Variants in DSTYK observed in about 807,000 individuals in gnomAD.
DSTYK encodes the protein dual serine/threonine and tyrosine protein kinase.
Under a neutral mutation model 98.7 loss-of-function variants are expected in DSTYK, and 34 were observed. The observed-to-expected ratio is 0.34, with a 90% CI of 0.26 to 0.46. The LOEUF (loss-of-function observed/expected upper bound fraction) is 0.46. Among genes scored for constraint, DSTYK ranks in the 20% least tolerant of loss-of-function variants. DSTYK has a pLI of 1.00. For synonymous variants in DSTYK, 462 were observed against 457.3 expected, an observed-to-expected ratio of 1.01 and a Z score of -0.13; for missense variants, 962 against 1,181.7, an observed-to-expected ratio of 0.81 and a Z score of 2.73.
Position 205,187,760 on chromosome 1 carries a change from G to C in DSTYK, c.312C>G (p.Leu104=). The C allele has an allele frequency of 6.2e-7, 1 of 1,614,110 alleles. No individual in the cohort carries two copies. Among genetic ancestry groups the C allele is most frequent in the East Asian group, 2.2e-5 (1 of 44,886 alleles). Residue 104 remains leucine (L), a synonymous_variant, in exon 2 of 13, where the codon CTC becomes CTG. Coordinates refer to ENST00000367162, the MANE Select transcript of DSTYK (RefSeq NM_015375.3). ...AAGGGAGGCAGTCCACAATCTGCTG[G>C]AGGTACTTCTCTTCCTTAGGTGGGA... is the stretch of plus-strand genomic sequence containing the variant. ...ISFPPKEEKY[L]QQIVDCLPCI... is the part of the protein sequence containing the mutation.
Position 205,163,945 on chromosome 1 carries a change from G to A in DSTYK, c.1335C>T (p.Val445=). 6.2e-7 allele frequency: 1 copy of A among 1,614,032 alleles called. No homozygotes were observed. Among genetic ancestry groups the A allele is most frequent in the Non-Finnish European group, 8.5e-7 (1 of 1,179,922 alleles). Residue 445 remains valine (V), a synonymous_variant, in exon 4 of 13, where the codon GTC becomes GTT. Transcript: ENST00000367162. ...TGCCTACTGGTTCTCCATTCTCAGG[G>A]ACAATGACGTCTATGGAGGCAGAGA... ...ATNMEFKDVI[V]PENGEPVGTR...
At chr1:205,197,311 GA>G (rs1658897390) in intron 1 of DSTYK, among the ~76,000 whole-genome samples, 1 of 152,030 alleles carries the variant, frequency 6.6e-6, no homozygotes, top group East Asian at 1.9e-4. Context: ...TAGAGGAGAT[GA>G]GAAAACCTAA....
chr1:205,200,901 ATAATT>A lies in DSTYK; in HGVS notation c.265+10365_265+10369del, dbSNP rs896489945. On this transcript the variant is annotated intron_variant, in intron 1 of 12. Transcript: ENST00000367162. The stretch of plus-strand genomic sequence containing the variant: ...CACAACAGGGTGACTATAGTCAATA[ATAATT>A]TAATTTTTTTTTTTTTGAGACAGAG... Among the ~76,000 whole-genome samples, 273 of 152,048 alleles carry A rather than the reference ATAATT, an allele frequency of 1.8e-3. 1 individual carries two copies. Among genetic ancestry groups the A allele is most frequent in the African/African-American group, 6.2e-3 (257 of 41,452 alleles).
intron 3 of DSTYK, among the ~76,000 whole-genome samples, chr1:205,167,610 G>A (rs926968534): frequency 1.3e-5 from 2 of 152,174 alleles, no homozygotes; most frequent in Non-Finnish European, 2.9e-5. Flanking sequence ...ATACAGGAAA[G>A]TGCATAGTGG....
intron 2 of DSTYK, among the ~76,000 whole-genome samples, chr1:205,176,873 A>G (rs775578144): frequency 6.6e-6 from 1 of 152,132 alleles, no homozygotes; most frequent in Non-Finnish European, 1.5e-5. Context: ...CTAAAACTCT[A>G]TTATAACAAA....
chr1:205,162,927 T>G lies in DSTYK; in HGVS notation c.1637A>C (p.Lys546Thr), dbSNP rs763475713. ...TCTCTAAGTAATAATCCCTACCTGT[T>G]TGATTTGCTCCCATAGCATCCTTGT... ...SVTRMLWEQIKQIIQRITWVS... is the reference protein window; with the variant it reads ...SVTRMLWEQITQIIQRITWVS... The change falls in exon 5 of 13, where the codon AAA (lysine) becomes ACA (threonine). Residue 546 changes from lysine to threonine, a missense_variant. This residue lies in a region of DSTYK where 660 missense variants were observed against 855.0 expected (regional missense o/e 0.77). Transcript: ENST00000367162. 1.9e-6 allele frequency: 3 copies of G among 1,612,278 alleles called. No individual in the cohort carries two copies. In the South Asian group the frequency reaches 3.3e-5, roughly 18 times the overall value.
intron 1 of DSTYK, among the ~76,000 whole-genome samples, chr1:205,198,871 C>G (rs184936343): frequency 6.8e-6 from 1 of 147,286 alleles, no homozygotes; most frequent in East Asian, 2.0e-4. Flanking sequence ...CTCGCTCTGT[C>G]GCCAGGCTGG....
intron 2 of DSTYK, among the ~76,000 whole-genome samples, chr1:205,173,641 G>A (rs1049077956): frequency 6.6e-6 from 1 of 151,104 alleles, no homozygotes; most frequent in Non-Finnish European, 1.5e-5. Flanking sequence ...AAATTTTCAG[G>A]TTTTCCTTAA....
intron 1 of DSTYK, among the ~76,000 whole-genome samples, chr1:205,203,566 G>GTACGGT (rs1383064687): frequency 7.7e-5 from 5 of 64,848 alleles, no homozygotes; most frequent in Non-Finnish European, 1.2e-4. Context: ...GAGGGGAGGG[G>GTACGGT]AGGGGAGGGG....
intron 2 of DSTYK, among the ~76,000 whole-genome samples, chr1:205,179,478 G>A (rs958412550): frequency 4.6e-5 from 7 of 151,850 alleles, no homozygotes; most frequent in East Asian, 1.9e-4. Flanking sequence ...AAAATTAGCC[G>A]GGCGTGGTGG....
intron 10 of DSTYK, among the ~76,000 whole-genome samples, chr1:205,155,580 C>G (rs1029583086): frequency 6.6e-6 from 1 of 151,574 alleles, no homozygotes; most frequent in African/African-American, 2.4e-5. Context: ...ATCGCTTGAA[C>G]CTGGGAGGTG....
intron 11 of DSTYK, 132 bp from the exon 12 acceptor site, chr1:205,148,471 G>T: frequency 9.1e-7 from 1 of 1,101,192 alleles, no homozygotes; most frequent in Non-Finnish European, 1.3e-6. Context: ...TAACAACCCT[G>T]CCAGGTAGGC....
chr1:205,194,977 C>G (rs776421614), intron 1 of DSTYK, among the ~76,000 whole-genome samples: 1 of 151,368 alleles, frequency 6.6e-6, no homozygotes, highest in African/African-American at 2.4e-5. Context: ...GGACTACAGG[C>G]AAGTGCCACT....
chr1:205,157,461 AG>A, intron 9 of DSTYK, 75 bp from the exon 10 acceptor site: 3 of 1,208,430 alleles, frequency 2.5e-6, no homozygotes, highest in Non-Finnish European at 3.6e-6. Flanking sequence ...AGGGCACATG[AG>A]GACAGAAAAG....
In DSTYK at chr1:205,162,077, G is replaced by C. The variant is rs774364049; in HGVS notation, c.1777C>G (p.Leu593Val). Residue 593 changes from leucine to valine, a missense_variant, in exon 6 of 13, where the codon CTC (leucine) becomes GTC (valine). Transcript: ENST00000367162. The stretch of plus-strand genomic sequence containing the variant: ...GCAAAAGCCTCGTGGGAACTATTGA[G>C]CCGAGTCCGGAATTGGCTGCAAATG... Reference protein sequence around the residue: ...KSICSQFRTRLNSSHEAFAAS... With the variant: ...KSICSQFRTRVNSSHEAFAAS... 2.5e-6 allele frequency: 4 copies of C among 1,614,080 alleles called. No individual in the cohort carries two copies. Among genetic ancestry groups the C allele is most frequent in the Non-Finnish European group, 3.4e-6 (4 of 1,179,992 alleles).
chr1:205,187,639 C>T lies in DSTYK; in HGVS notation c.433G>A (p.Glu145Lys), dbSNP rs1393677319. The change falls in exon 2 of 13, where the codon GAG becomes AAG. Residue 145 changes from glutamate to lysine, a missense_variant. This residue lies in a region of DSTYK where 660 missense variants were observed against 855.0 expected (regional missense o/e 0.77). Coordinates refer to ENST00000367162, the MANE Select transcript of DSTYK (RefSeq NM_015375.3). Reference sequence around the variant, plus strand: ...AGGCGCCGAAGCTTACAGCTCTCCTCACTGCCCAGCTTGGTGGTGGGAAGC... The same window carrying T: ...AGGCGCCGAAGCTTACAGCTCTCCTTACTGCCCAGCTTGGTGGTGGGAAGC... ...QVLPTTKLGSEESCKLRRLRF... is the reference protein window; with the variant it reads ...QVLPTTKLGSKESCKLRRLRF... 6.2e-7 allele frequency: 1 copy of T among 1,614,104 alleles called. No individual in the cohort carries two copies. Among genetic ancestry groups the T allele is most frequent in the Admixed American group, 1.7e-5 (1 of 60,002 alleles).
At chr1:205,179,460 A>G (rs1388424715) in intron 2 of DSTYK, among the ~76,000 whole-genome samples, 1 of 151,140 alleles carries the variant, frequency 6.6e-6, no homozygotes, top group Non-Finnish European at 1.5e-5. Context: ...CTCTACTAAA[A>G]ATATAAAAAA....
At chr1:205,159,747 T>A in intron 8 of DSTYK, 68 bp from the exon 9 acceptor site, 1 of 1,590,822 alleles carries the variant, frequency 6.3e-7, no homozygotes, top group Non-Finnish European at 8.6e-7. Flanking sequence ...TGCCACAATG[T>A]ATGAGACAAT....
At chr1:205,190,628 A>AC (rs1448755885) in intron 1 of DSTYK, among the ~76,000 whole-genome samples, 4 of 151,060 alleles carry the variant, frequency 2.6e-5, no homozygotes, top group Admixed American at 6.6e-5. Context: ...AAAAAAAAAA[A>AC]AAAAAAAAAC....
Sources: allele counts gnomAD v4.1 joint callset (sites outside exome capture counted in the v4.1 genomes callset), GRCh38; gene constraint gnomAD v4.1.1; regional missense constraint gnomAD v4.1.1; transcripts MANE v1.5; gene names NCBI Gene and HGNC (gene_info 2026-07-23, HGNC 2026-07-21).